The following PAX5 variants were observed in gnomAD, a reference collection of about 807,000 sequenced individuals.
PAX5 encodes the protein paired box 5.
In PAX5, 9 loss-of-function variants were observed where a neutral mutation model predicts 43.7. That is an observed-to-expected ratio of 0.21 (90% confidence interval 0.12 to 0.36). The LOEUF (loss-of-function observed/expected upper bound fraction) is 0.36, where lower values mean the gene tolerates loss of function less well. Among genes scored for constraint, PAX5 ranks in the 10% least tolerant of loss-of-function variants. The pLI is 1.00. For synonymous variants in PAX5, 228 were observed against 214.3 expected (o/e 1.06, Z -0.56); for missense variants, 383 against 532.7 (o/e 0.72, Z 2.77).
chr9:36,924,525 C>T (rs747536058), intron 6 of PAX5, among the ~76,000 whole-genome samples: 12 of 151,894 alleles, frequency 7.9e-5, no homozygotes, highest in Non-Finnish European at 1.6e-4. Context: ...TTCAAGACCA[C>T]CTTGGGAAAC....
Position 36,840,407 on chromosome 9 carries a change from G to C in PAX5, c.*153C>G. ...AACGGCCCCACCAAAGGGCCCCAGAGTCCCTGGAGGAAGAGAGGAAGAGGG... is the reference window on the plus strand; with the variant it reads ...AACGGCCCCACCAAAGGGCCCCAGACTCCCTGGAGGAAGAGAGGAAGAGGG... On this transcript the variant is annotated 3_prime_UTR_variant, in exon 10 of 10. Transcript: ENST00000358127. The C allele has an allele frequency of 1.3e-6, 1 of 762,552 alleles. No homozygotes were observed. 47.2% of individuals were successfully genotyped at this position (762,552 alleles called of 1,614,324 possible).
rs1554666318 is a variant in PAX5 at position 36,929,277 on chromosome 9, G to GGAAC, written c.781-5794_781-5793insGTTC. Reference sequence around the variant, plus strand: ...AGGAAGGAAGGAAGGAAGGAAGGAAGGAAGGAAGGAAGGATGGATGAGAGA... The same window carrying GGAAC: ...AGGAAGGAAGGAAGGAAGGAAGGAAGGAACGAAGGAAGGAAGGATGGATGAGAGA... On this transcript the variant is annotated intron_variant, in intron 6 of 9. Transcript: ENST00000358127. Among the ~76,000 whole-genome samples, 252 of 150,110 alleles carry GGAAC rather than the reference G, an allele frequency of 1.7e-3. 1 individual carries two copies. The highest frequency in any genetic ancestry group is 5.7e-3 in the African/African-American group (231 of 40,462).
chr9:37,016,436 G>A (rs1252438712), intron 2 of PAX5, among the ~76,000 whole-genome samples: 3 of 152,134 alleles, frequency 2.0e-5, no homozygotes, highest in Admixed American at 6.5e-5. Context: ...CTCCCCTGAG[G>A]TAAATGGCTG....
intron 6 of PAX5, among the ~76,000 whole-genome samples, chr9:36,959,683 T>G (rs1833786421): frequency 6.6e-6 from 1 of 152,214 alleles, no homozygotes; most frequent in African/African-American, 2.4e-5. Flanking sequence ...TAGCACCTCC[T>G]AACTCATGCT....
intron 8 of PAX5, among the ~76,000 whole-genome samples, chr9:36,879,495 T>C (rs1262204002): frequency 6.6e-6 from 1 of 152,092 alleles, no homozygotes; most frequent in Non-Finnish European, 1.5e-5. Flanking sequence ...AAGCTGGAGT[T>C]GACTGATTCA....
At chr9:36,934,996 C>CT (rs1831424663) in intron 6 of PAX5, among the ~76,000 whole-genome samples, 1 of 152,180 alleles carries the variant, frequency 6.6e-6, no homozygotes, top group Non-Finnish European at 1.5e-5. Flanking sequence ...TGTCAAGGTG[C>CT]TTTTATTCAT....
intron 8 of PAX5, among the ~76,000 whole-genome samples, chr9:36,864,490 T>C (rs978764894): frequency 3.3e-5 from 5 of 152,182 alleles, no homozygotes; most frequent in Non-Finnish European, 2.9e-5. Flanking sequence ...GAAAAGGTTG[T>C]CCAGAGTCCT....
At chr9:36,923,239 G>T in intron 7 of PAX5, 116 bp downstream of exon 7, 4 of 1,372,146 alleles carry the variant, frequency 2.9e-6, no homozygotes, top group Admixed American at 2.1e-5. Context: ...TCATAACCTT[G>T]TTAAAACAAA....
Position 36,882,194 on chromosome 9 carries a change from G to T in PAX5, c.911-89C>A. 9.1e-7 allele frequency: 1 copy of T among 1,103,178 alleles called. No individual in the cohort carries two copies. The highest frequency in any genetic ancestry group is 1.3e-6 in the Non-Finnish European group (1 of 777,092). 68.3% of individuals were successfully genotyped at this position (1,103,178 alleles called of 1,614,324 possible). Reference sequence around the variant, plus strand: ...GCTCCCTGGACGCTTCTGCACATTTGTCACGTTTGGACGCTGAACGGCAAT... The same window carrying T: ...GCTCCCTGGACGCTTCTGCACATTTTTCACGTTTGGACGCTGAACGGCAAT... On this transcript the variant is annotated intron_variant, in intron 7 of 9. Coordinates refer to ENST00000358127, the MANE Select transcript of PAX5 (RefSeq NM_016734.3). This position sits in a 1 kb window ranked among gnomAD's most constrained non-coding sequence, Gnocchi z 4.4.
intron 8 of PAX5, among the ~76,000 whole-genome samples, chr9:36,849,342 A>G (rs1286670179): frequency 6.6e-6 from 1 of 152,078 alleles, no homozygotes. Context: ...TTTTTTCTCC[A>G]TAGAGCTGAT....
intron 9 of PAX5, among the ~76,000 whole-genome samples, chr9:36,844,593 C>T (rs1316329321): frequency 6.6e-6 from 1 of 152,166 alleles, no homozygotes; most frequent in African/African-American, 2.4e-5. Flanking sequence ...AGGTACTGAG[C>T]ACTTCCCAGC....
At chr9:36,937,688 C>G (rs1831678679) in intron 6 of PAX5, among the ~76,000 whole-genome samples, 1 of 152,194 alleles carries the variant, frequency 6.6e-6, no homozygotes, top group Non-Finnish European at 1.5e-5. Context: ...CAGTTCCTGT[C>G]TATCCACCCC....
At chr9:36,932,063 C>T (rs962076718) in intron 6 of PAX5, among the ~76,000 whole-genome samples, 4 of 151,884 alleles carry the variant, frequency 2.6e-5, no homozygotes, top group Admixed American at 2.6e-4. Context: ...TTACTTGAGG[C>T]CAGGAGTTTG....
chr9:37,000,382 G>C (rs76384844), intron 5 of PAX5, among the ~76,000 whole-genome samples: 2,005 of 152,192 alleles, frequency 0.013, 51 homozygotes, highest in African/African-American at 0.046. Flanking sequence ...TTCTACCACA[G>C]ACCACTGACT....
At chr9:37,005,916 A>G (rs1219710056) in intron 4 of PAX5, among the ~76,000 whole-genome samples, 2 of 152,206 alleles carry the variant, frequency 1.3e-5, no homozygotes, top group Non-Finnish European at 2.9e-5. Flanking sequence ...GTCGGGTCAC[A>G]GCCACTCTCA....
chr9:36,877,060 G>A (rs1265716178), intron 8 of PAX5, among the ~76,000 whole-genome samples: 1 of 152,226 alleles, frequency 6.6e-6, no homozygotes, highest in Non-Finnish European at 1.5e-5. Context: ...GTGGTGGCCG[G>A]GCACAGTGGC....
intron 6 of PAX5, among the ~76,000 whole-genome samples, chr9:36,935,905 T>C (rs1204219741): frequency 6.6e-6 from 1 of 152,242 alleles, no homozygotes; most frequent in African/African-American, 2.4e-5. Flanking sequence ...CCTCCCTGCC[T>C]GGATCCAGCA....
chr9:36,932,911 T>C (rs1831243088), intron 6 of PAX5, among the ~76,000 whole-genome samples: 1 of 152,016 alleles, frequency 6.6e-6, no homozygotes, highest in Middle Eastern at 3.4e-3. Flanking sequence ...ATTCCAGCAC[T>C]TTGGGAGGCT....
At chr9:36,905,919 C>A (rs570175484) in intron 7 of PAX5, among the ~76,000 whole-genome samples, 10 of 152,266 alleles carry the variant, frequency 6.6e-5, no homozygotes, top group African/African-American at 2.2e-4. Flanking sequence ...ATTCCAAAGT[C>A]TCTTGACTCT....
Sources: gnomAD v4.1 joint callset for allele counts (sites outside exome capture counted in the v4.1 genomes callset) on GRCh38, gnomAD v4.1.1 for gene constraint, Gnocchi (gnomAD v3.1) non-coding constraint, MANE v1.5 for transcripts, NCBI Gene and HGNC (gene_info 2026-07-23, HGNC 2026-07-21) for gene names.